XRCC5: variants seen among roughly 807,000 people sequenced by gnomAD.
XRCC5 encodes X-ray repair cross complementing 5, also known as DNA repair protein Ku80.
In XRCC5, 12 loss-of-function variants were observed where a neutral mutation model predicts 95.7. The ratio of observed to expected loss-of-function variants is 0.13; its 90% CI spans 0.08 to 0.20. The LOEUF is 0.20. XRCC5 is among the 10% of genes least tolerant of loss of function. The pLI is 1.00. For missense variants in XRCC5, 595 were observed against 873.9 expected, an observed-to-expected ratio of 0.68 and a Z score of 4.02; for synonymous variants, 281 against 290.3, an observed-to-expected ratio of 0.97 and a Z score of 0.33.
intron 10 of XRCC5, among the ~76,000 whole-genome samples, chr2:216,133,170 G>A (rs1697021324): frequency 6.6e-6 from 1 of 152,196 alleles, no homozygotes; most frequent in African/African-American, 2.4e-5. Flanking sequence ...GTTAAGGGAA[G>A]AAAATGTTTG....
intron 14 of XRCC5, among the ~76,000 whole-genome samples, chr2:216,152,652 T>G (rs1034557885): frequency 2.0e-5 from 3 of 151,508 alleles, no homozygotes; most frequent in Non-Finnish European, 2.9e-5. Flanking sequence ...TTTTCTTGTT[T>G]TTTTTTTTTT....
At chr2:216,159,997 AAATAAGTTTCAC>A in intron 14 of XRCC5, 59 bp from the exon 15 acceptor site, 3 of 716,214 alleles carry the variant, frequency 4.2e-6, no homozygotes, top group Non-Finnish European at 4.3e-6. Context: ...GGTGCTTGGA[AAATAAGTTTCAC>A]AATAGCAATC....
chr2:216,148,055 G>A (rs1342625087), intron 13 of XRCC5, 28 bp from the exon 14 acceptor site: 1 of 1,592,710 alleles, frequency 6.3e-7, no homozygotes, highest in African/African-American at 1.4e-5. Context: ...CTCCATCTGT[G>A]TTTTAAAATC....
intron 8 of XRCC5, among the ~76,000 whole-genome samples, chr2:216,130,538 C>G (rs1696979799): frequency 6.6e-6 from 1 of 152,074 alleles, no homozygotes; most frequent in Non-Finnish European, 1.5e-5. Context: ...GTACTTTAGT[C>G]AACCATGGTT....
At chr2:216,120,668 A>G (rs1431337344) in intron 5 of XRCC5, among the ~76,000 whole-genome samples, 1 of 152,114 alleles carries the variant, frequency 6.6e-6, no homozygotes, top group Admixed American at 6.6e-5. Context: ...TGAACCTCCT[A>G]CCGGAGCCTT....
chr2:216,172,419 C>T (rs1689181474), intron 16 of XRCC5, among the ~76,000 whole-genome samples: 1 of 150,150 alleles, frequency 6.7e-6, no homozygotes, highest in Non-Finnish European at 1.5e-5. Flanking sequence ...GTTTTAACTA[C>T]TCTATGTCAT....
chr2:216,165,285 A>G (rs1689034918), intron 16 of XRCC5, among the ~76,000 whole-genome samples: 1 of 152,130 alleles, frequency 6.6e-6, no homozygotes, highest in Non-Finnish European at 1.5e-5. Flanking sequence ...TTGTTCTTTT[A>G]TATTGAATTT....
chr2:216,160,817 T>C (rs1012521698), intron 15 of XRCC5, among the ~76,000 whole-genome samples: 1 of 152,068 alleles, frequency 6.6e-6, no homozygotes, highest in African/African-American at 2.4e-5. Flanking sequence ...AATCCTGAGC[T>C]CAAGTGGTCC....
Position 216,184,773 on chromosome 2 carries a change from G to T in XRCC5, c.1835-5452G>T, listed in dbSNP as rs186308175. ...TGTGATTACAGGCTTGAGCCGCTGGGCCCAGCCTGATGCCTTGCATTTCTG... is the reference window on the plus strand; with the variant it reads ...TGTGATTACAGGCTTGAGCCGCTGGTCCCAGCCTGATGCCTTGCATTTCTG... On this transcript the variant is annotated intron_variant, in intron 16 of 20. Transcript: ENST00000392132. 4.6e-3 allele frequency among the ~76,000 whole-genome samples: 706 copies of T among 152,330 alleles called. 3 individuals carry two copies. Among genetic ancestry groups the T allele is most frequent in the Middle Eastern group, 0.027 (8 of 294 alleles).
At chr2:216,201,837 C>A (rs1241727590) in intron 19 of XRCC5, among the ~76,000 whole-genome samples, 1 of 152,172 alleles carries the variant, frequency 6.6e-6, no homozygotes, top group African/African-American at 2.4e-5. Context: ...CAGTTACAAA[C>A]ATTAATGATG....
At chr2:216,188,282 AT>A (rs1357493504) in intron 16 of XRCC5, among the ~76,000 whole-genome samples, 2 of 152,230 alleles carry the variant, frequency 1.3e-5, no homozygotes, top group Non-Finnish European at 1.5e-5. Context: ...ACCAATTAAT[AT>A]ATTTCCTTAA....
Position 216,137,204 on chromosome 2 carries a change from T to G in XRCC5, c.1230T>G (p.Pro410=). Residue 410 remains proline (P), a synonymous_variant, in exon 11 of 21, where the codon CCT becomes CCG. Coordinates refer to ENST00000392132, the MANE Select transcript of XRCC5 (RefSeq NM_021141.4). ...RANPQVGVAF[P]HIKHNYECLV... ...ATCCTCAAGTCGGCGTGGCTTTTCC[T>G]CATATCAAGCATAACTATGAGGTAA... 1 of 1,613,562 alleles carries G rather than the reference T, an allele frequency of 6.2e-7. No individual in the cohort carries two copies. Among genetic ancestry groups the G allele is most frequent in the Non-Finnish European group, 8.5e-7 (1 of 1,179,676 alleles).
chr2:216,173,634 A>G (rs555970327), intron 16 of XRCC5, among the ~76,000 whole-genome samples: 4 of 152,350 alleles, frequency 2.6e-5, no homozygotes, highest in South Asian at 2.1e-4. Flanking sequence ...CCCAAAGTTT[A>G]TGTGTTGGAA....
At chr2:216,173,507 T>C (rs1461305176) in intron 16 of XRCC5, among the ~76,000 whole-genome samples, 1 of 152,230 alleles carries the variant, frequency 6.6e-6, no homozygotes, top group Non-Finnish European at 1.5e-5. Context: ...AATATATTAA[T>C]TGACTTATAG....
intron 14 of XRCC5, among the ~76,000 whole-genome samples, chr2:216,154,847 C>T (rs1477780810): frequency 1.3e-5 from 2 of 152,122 alleles, no homozygotes; most frequent in African/African-American, 4.8e-5. Flanking sequence ...TAAGGTCAAA[C>T]TCTTTTACAC....
At chr2:216,142,273 A>G (rs945330596) in intron 13 of XRCC5, among the ~76,000 whole-genome samples, 2 of 152,218 alleles carry the variant, frequency 1.3e-5, no homozygotes, top group African/African-American at 4.8e-5. Flanking sequence ...ATAATATAAC[A>G]TTGTTAGAGA....
chr2:216,119,828 C>G (rs1028470760), intron 5 of XRCC5, among the ~76,000 whole-genome samples: 1 of 152,166 alleles, frequency 6.6e-6, no homozygotes, highest in African/African-American at 2.4e-5. Context: ...TGTTATATCC[C>G]TAACAAAAAT....
At chr2:216,177,846 CTAAT>C (rs1689307277) in intron 16 of XRCC5, among the ~76,000 whole-genome samples, 1 of 152,058 alleles carries the variant, frequency 6.6e-6, no homozygotes, top group African/African-American at 2.4e-5. Flanking sequence ...TGCTCTGTGT[CTAAT>C]TATTCTGAGG....
chr2:216,138,392 C>G (rs1697122930), intron 12 of XRCC5, among the ~76,000 whole-genome samples: 1 of 152,192 alleles, frequency 6.6e-6, no homozygotes. Flanking sequence ...CCAACACTGT[C>G]TAGTTTTTGC....
Sources: allele counts gnomAD v4.1 joint callset (sites outside exome capture counted in the v4.1 genomes callset), GRCh38; gene constraint gnomAD v4.1.1; transcripts MANE v1.5; gene names NCBI Gene and HGNC (gene_info 2026-07-23, HGNC 2026-07-21).